The following EPHA3 variants were observed in gnomAD, a reference collection of about 807,000 sequenced individuals.
EPHA3 encodes EPH receptor A3.
EPHA3 carries 42 observed loss-of-function variants against 107.1 expected under a neutral mutation model. The observed-to-expected ratio is 0.39, with a 90% CI of 0.31 to 0.51. The LOEUF (loss-of-function observed/expected upper bound fraction) is 0.51, where lower values mean the gene tolerates loss of function less well. EPHA3 is among the 20% of genes least tolerant of loss of function. The pLI is 0.78. For missense variants in EPHA3, 1,183 were observed against 1,211.2 expected (o/e 0.98, Z 0.35); for synonymous variants, 461 against 424.8 (o/e 1.09, Z -1.05).
chr3:89,222,588 T>C lies in EPHA3; in HGVS notation c.814+12068T>C, dbSNP rs185862988. ...ATACACATATATGCACTTAGCACTA[T>C]ATACTTAGTACATATACATTTTTAG... On this transcript the variant is annotated intron_variant, in intron 3 of 16. Coordinates refer to ENST00000336596, the MANE Select transcript of EPHA3 (RefSeq NM_005233.6). Among the ~76,000 whole-genome samples, 1,253 of 151,502 alleles carry C rather than the reference T, an allele frequency of 8.3e-3. 7 individuals carry two copies. Among genetic ancestry groups the C allele is most frequent in the Non-Finnish European group, 0.013 (896 of 67,880 alleles).
intron 2 of EPHA3, among the ~76,000 whole-genome samples, chr3:89,171,901 A>G (rs1236214632): frequency 6.6e-6 from 1 of 152,140 alleles, no homozygotes; most frequent in Non-Finnish European, 1.5e-5. Flanking sequence ...TCATTGTGTA[A>G]GCCTGACCAT....
rs185155437 is a variant in EPHA3, at chr3:89,308,424, G to A, written c.815-32492G>A. On this transcript the variant is annotated intron_variant, in intron 3 of 16. Coordinates refer to ENST00000336596, the MANE Select transcript of EPHA3 (RefSeq NM_005233.6). ...AACAAGAAATTAAAAAGGGAAGCTG[G>A]CTATAATAGTGTGTGGGTGGGTGGT... Among the ~76,000 whole-genome samples the A allele has an allele frequency of 3.9e-3, 588 of 152,232 alleles. 6 individuals are homozygous for A. The highest frequency in any genetic ancestry group is 0.013 in the African/African-American group (549 of 41,560).
intron 5 of EPHA3, among the ~76,000 whole-genome samples, chr3:89,377,235 G>A (rs1276448122): frequency 6.6e-6 from 1 of 152,044 alleles, no homozygotes; most frequent in Non-Finnish European, 1.5e-5. Flanking sequence ...TGAATGAAGA[G>A]AATACGAACA....
intron 3 of EPHA3, among the ~76,000 whole-genome samples, chr3:89,257,653 TACAACATGTTAGGAAATAATA>T (rs1705316493): frequency 7.6e-6 from 1 of 130,870 alleles, no homozygotes. Flanking sequence ...AGAAAAAAAA[TACAACATGTTAGGAAATAATA>T]AAAATAACAA....
chr3:89,219,708 TTG>T (rs1559606409), intron 3 of EPHA3, among the ~76,000 whole-genome samples: 1,404 of 17,146 alleles, frequency 0.082, 380 homozygotes, highest in African/African-American at 0.15. Flanking sequence ...TTTTTGTTTT[TTG>T]TTTTTTTTTT....
chr3:89,375,998 A>G (rs977239546), intron 5 of EPHA3, among the ~76,000 whole-genome samples: 13 of 151,940 alleles, frequency 8.6e-5, no homozygotes, highest in African/African-American at 2.9e-4. Context: ...CACACCTTAC[A>G]TGGCACCTGG....
intron 3 of EPHA3, among the ~76,000 whole-genome samples, chr3:89,308,214 G>A (rs531079955): frequency 3.0e-4 from 45 of 152,164 alleles, no homozygotes; most frequent in African/African-American, 8.9e-4. Flanking sequence ...AACTGTAGAA[G>A]AGTACGAAAA....
intron 3 of EPHA3, among the ~76,000 whole-genome samples, chr3:89,304,654 T>C (rs544968013): frequency 1.2e-4 from 19 of 152,272 alleles, no homozygotes; most frequent in Middle Eastern, 3.4e-3. Context: ...CATTCACATA[T>C]CCCTTCTTTA....
At chr3:89,162,547 T>C (rs547191586) in intron 2 of EPHA3, among the ~76,000 whole-genome samples, 2 of 152,276 alleles carry the variant, frequency 1.3e-5, no homozygotes, top group African/African-American at 4.8e-5. Flanking sequence ...TTCTCCTCAA[T>C]TGTAGTTTGG....
At chr3:89,308,860 A>T (rs376005140) in intron 3 of EPHA3, among the ~76,000 whole-genome samples, 1 of 152,126 alleles carries the variant, frequency 6.6e-6, no homozygotes, top group African/African-American at 2.4e-5. Flanking sequence ...TGCATATATA[A>T]AATGGATTAG....
chr3:89,372,268 A>T (rs1279763098), intron 5 of EPHA3, among the ~76,000 whole-genome samples: 2 of 151,606 alleles, frequency 1.3e-5, no homozygotes, highest in Non-Finnish European at 3.0e-5. Context: ...TTCACTAGTC[A>T]TGACCTAGTA....
intron 2 of EPHA3, among the ~76,000 whole-genome samples, chr3:89,141,484 C>T (rs1299949987): frequency 6.6e-6 from 1 of 151,542 alleles, no homozygotes; most frequent in Non-Finnish European, 1.5e-5. Context: ...ATAACTGATG[C>T]ATGTCTTGGT....
intron 3 of EPHA3, among the ~76,000 whole-genome samples, chr3:89,239,103 T>A (rs1160922105): frequency 6.6e-6 from 1 of 152,186 alleles, no homozygotes; most frequent in Non-Finnish European, 1.5e-5. Flanking sequence ...CTTTAATCTT[T>A]GGTCCTTCTA....
At chr3:89,345,152 C>T (rs1287443407) in intron 5 of EPHA3, among the ~76,000 whole-genome samples, 2 of 150,976 alleles carry the variant, frequency 1.3e-5, no homozygotes, top group Non-Finnish European at 3.0e-5. Context: ...TAGAATCTGC[C>T]GCTTTCCACT....
At chr3:89,125,276 A>G (rs938534588) in intron 1 of EPHA3, among the ~76,000 whole-genome samples, 2 of 151,862 alleles carry the variant, frequency 1.3e-5, no homozygotes, top group African/African-American at 4.8e-5. Context: ...GCTGATTTCT[A>G]CTATGCAAAT....
intron 13 of EPHA3, among the ~76,000 whole-genome samples, chr3:89,445,527 A>T (rs1406903177): frequency 6.6e-6 from 1 of 152,210 alleles, no homozygotes; most frequent in Non-Finnish European, 1.5e-5. Flanking sequence ...ATCTGGATAA[A>T]TTACGGAAAC....
At chr3:89,311,428 A>G (rs1293440708) in intron 3 of EPHA3, among the ~76,000 whole-genome samples, 1 of 152,056 alleles carries the variant, frequency 6.6e-6, no homozygotes, top group Non-Finnish European at 1.5e-5. Context: ...GGTGCCTAAA[A>G]TAGGGACAAA....
chr3:89,190,207 G>C (rs1705676134), intron 2 of EPHA3, among the ~76,000 whole-genome samples: 1 of 152,102 alleles, frequency 6.6e-6, no homozygotes, highest in Non-Finnish European at 1.5e-5. Flanking sequence ...AAGAGAAGCT[G>C]ATAAAGAAAA....
At chr3:89,448,156 T>C (rs544954910) in intron 13 of EPHA3, among the ~76,000 whole-genome samples, 1 of 152,276 alleles carries the variant, frequency 6.6e-6, no homozygotes, top group South Asian at 2.1e-4. Context: ...CTACTGTCTT[T>C]CTACTCAGGG....
Sources: allele counts gnomAD v4.1 joint callset (sites outside exome capture counted in the v4.1 genomes callset), GRCh38; gene constraint gnomAD v4.1.1; transcripts MANE v1.5; gene names NCBI Gene and HGNC (gene_info 2026-07-23, HGNC 2026-07-21).